STIP1: variants seen among roughly 807,000 people sequenced by gnomAD.
STIP1 encodes stress induced phosphoprotein 1.
In STIP1, 16 loss-of-function variants were observed where a neutral mutation model predicts 77.4. That is an observed-to-expected ratio of 0.21 (90% confidence interval 0.14 to 0.31). The LOEUF is 0.31. Among genes scored for constraint, STIP1 ranks in the 10% least tolerant of loss-of-function variants. The pLI is 1.00. For synonymous variants in STIP1, 258 were observed against 246.6 expected (o/e 1.05, Z -0.44); for missense variants, 524 against 684.8 (o/e 0.77, Z 2.62).
At chr11:64,191,705 G>C (rs969599442) in intron 1 of STIP1, among the ~76,000 whole-genome samples, 8 of 151,862 alleles carry the variant, frequency 5.3e-5, no homozygotes, top group African/African-American at 1.9e-4. Context: ...AGCTCAGTAA[G>C]GAGAAACCCT....
At chr11:64,196,161 C>G (rs1448125583) in intron 5 of STIP1, among the ~76,000 whole-genome samples, 1 of 152,104 alleles carries the variant, frequency 6.6e-6, no homozygotes, top group Non-Finnish European at 1.5e-5. Context: ...TTTTGGAGGC[C>G]AAGGTGGGCA....
chr11:64,190,031 C>T (rs1484773855), intron 1 of STIP1, among the ~76,000 whole-genome samples: 2 of 150,318 alleles, frequency 1.3e-5, no homozygotes, highest in African/African-American at 4.9e-5. Flanking sequence ...AATAGAGTCT[C>T]ACTCTGTCCT....
intron 8 of STIP1, among the ~76,000 whole-genome samples, chr11:64,198,756 T>TTG (rs1387440605): frequency 6.7e-6 from 1 of 150,074 alleles, no homozygotes; most frequent in Non-Finnish European, 1.5e-5. Flanking sequence ...TTTTGTGGTT[T>TTG]TTTTTTTTTT....
intron 8 of STIP1, among the ~76,000 whole-genome samples, chr11:64,199,441 AGCTTGCAGT>A (rs1191574486): frequency 7.0e-6 from 1 of 142,738 alleles, no homozygotes. Flanking sequence ...CGGGAGGCAG[AGCTTGCAGT>A]GAGCCGAGAT....
chr11:64,198,337 C>T (rs764473850), intron 8 of STIP1, among the ~76,000 whole-genome samples: 1 of 152,068 alleles, frequency 6.6e-6, no homozygotes, highest in Non-Finnish European at 1.5e-5. Context: ...CTCAGCCTCC[C>T]GAATTGCTAA....
rs567931390 is a variant in STIP1 at position 64,198,598 on chromosome 11, C to A, written c.1023+624C>A. Reference sequence around the variant, plus strand: ...CTGAACTCAAGTGATCCGCCCTCCTCAGCCTCCCAAAGTGCTGGAATTATA... The same window carrying A: ...CTGAACTCAAGTGATCCGCCCTCCTAAGCCTCCCAAAGTGCTGGAATTATA... On this transcript the variant is annotated intron_variant, in intron 8 of 13. Coordinates refer to ENST00000305218, the MANE Select transcript of STIP1 (RefSeq NM_006819.3). 3.9e-4 allele frequency among the ~76,000 whole-genome samples: 60 copies of A among 152,262 alleles called. 1 individual carries two copies. The South Asian group carries it at 0.012, about 30-fold the overall frequency.
In STIP1 at chr11:64,197,509, G is replaced by C. The variant is rs768691065; in HGVS notation, c.816G>C (p.Lys272Asn). 5 of 1,614,172 alleles carry C rather than the reference G, an allele frequency of 3.1e-6. No homozygotes were observed. Among genetic ancestry groups the C allele is most frequent in the Non-Finnish European group, 4.2e-6 (5 of 1,180,046 alleles). The part of the protein sequence containing the change: ...ITNQAAVYFE[K>N]GDYNKCRELC... ...GCCTGGCAGCGGTATACTTTGAAAA[G>C]GGCGACTACAATAAGTGCCGGGAGC... The change falls in exon 7 of 14, where the codon AAG becomes AAC. Residue 272 changes from lysine (K) to asparagine (N), a missense_variant. Transcript: ENST00000305218.
chr11:64,195,914 A>T, intron 5 of STIP1, 101 bp downstream of exon 5: 5 of 1,536,230 alleles, frequency 3.3e-6, no homozygotes, highest in Non-Finnish European at 8.9e-7. Context: ...CATGATTATT[A>T]TGGTTTTTTT....
Position 64,193,282 on chromosome 11 carries a change from G to A in STIP1, c.214G>A (p.Gly72Ser), listed in dbSNP as rs772121318. ...CKTVDLKPDW[G>S]KGYSRKAAAL... is the part of the protein sequence containing the mutation. ...GACTGTCGACCTAAAGCCTGACTGG[G>A]GCAAGGTCAGCTGTGGGCAGTGGAG... The change falls in exon 2 of 14, where the codon GGC (glycine) becomes AGC (serine). Residue 72 changes from glycine to serine, a missense_variant. Physicochemically the swap from Gly to Ser is moderately conservative, Grantham distance 56 (BLOSUM62 0). Coordinates refer to ENST00000305218, the MANE Select transcript of STIP1 (RefSeq NM_006819.3). 6.2e-7 allele frequency: 1 copy of A among 1,614,200 alleles called. No individual in the cohort carries two copies.
intron 12 of STIP1, 25 bp from the exon 13 acceptor site, chr11:64,203,425 C>T: frequency 3.7e-6 from 6 of 1,613,594 alleles, no homozygotes; most frequent in Non-Finnish European, 5.1e-6. Context: ...TAACACGCTT[C>T]ACCTTTGTCT....
chr11:64,193,106 A>G lies in STIP1; in HGVS notation c.38A>G (p.Lys13Arg), dbSNP rs752375685. The change falls in exon 2 of 14, where the codon AAG becomes AGG. Residue 13 changes from lysine to arginine, a missense_variant. By Grantham distance (26) the Lys-to-Arg change is conservative. Transcript: ENST00000305218. The stretch of plus-strand genomic sequence containing the variant: ...AATGAGCTGAAGGAGAAAGGCAACA[A>G]GGCCCTGAGCGTGGGTAACATCGAT... Reference protein sequence around the residue: ...QVNELKEKGNKALSVGNIDDA... With the variant: ...QVNELKEKGNRALSVGNIDDA... The G allele has an allele frequency of 6.8e-6, 11 of 1,614,092 alleles. No individual in the cohort carries two copies. The highest frequency in any genetic ancestry group is 1.3e-5 in the African/African-American group (1 of 74,920).
At chr11:64,196,024 C>A in intron 5 of STIP1, 2 of 652,926 alleles carry the variant, frequency 3.1e-6, no homozygotes, top group Non-Finnish European at 5.2e-6. Context: ...GCCACTGTGC[C>A]CACCTAAAAC....
intron 1 of STIP1, among the ~76,000 whole-genome samples, chr11:64,190,861 A>T (rs984047449): frequency 1.3e-5 from 2 of 152,134 alleles, no homozygotes; most frequent in East Asian, 3.9e-4. Context: ...TTAGCCAGGC[A>T]TGGTGACACA....
intron 1 of STIP1, among the ~76,000 whole-genome samples, chr11:64,188,397 T>A (rs1331072436): frequency 6.6e-6 from 1 of 151,576 alleles, no homozygotes; most frequent in Non-Finnish European, 1.5e-5. Context: ...TTATTTTGTA[T>A]TTTTTTTAGA....
intron 8 of STIP1, 118 bp downstream of exon 8, chr11:64,198,092 T>C: frequency 7.3e-7 from 1 of 1,375,866 alleles, no homozygotes; most frequent in South Asian, 1.5e-5. Context: ...AGGGTCTCAC[T>C]CTTTCACCCA....
At chr11:64,194,424 A>G in intron 3 of STIP1, 55 bp from the exon 4 acceptor site, 2 of 1,612,234 alleles carry the variant, frequency 1.2e-6, no homozygotes, top group Non-Finnish European at 1.7e-6. Flanking sequence ...GGTATGGGAC[A>G]CAGTAATTCT....
intron 1 of STIP1, among the ~76,000 whole-genome samples, chr11:64,187,814 G>A (rs926506365): frequency 2.0e-5 from 3 of 151,538 alleles, no homozygotes; most frequent in African/African-American, 7.3e-5. Flanking sequence ...ATCCTGGCTA[G>A]CACAGTGAAA....
rs1946143292 is a variant in STIP1, at chr11:64,195,793, C to G, written c.652C>G (p.Leu218Val). 1 of 1,614,030 alleles carries G rather than the reference C, an allele frequency of 6.2e-7. No individual in the cohort carries two copies. Among genetic ancestry groups the G allele is most frequent in the Admixed American group, 1.7e-5 (1 of 59,998 alleles). ...ETKPEPMEED[L>V]PENKKQALKE... ...CAAGCCAGAGCCAATGGAAGAAGAT[C>G]TTCCAGAGAATAAGAAGCAGGTCTT... The change falls in exon 5 of 14, where the codon CTT becomes GTT. Residue 218 changes from leucine to valine, a missense_variant. Leu to Val is a conservative substitution (Grantham distance 32). Coordinates refer to ENST00000305218, the MANE Select transcript of STIP1 (RefSeq NM_006819.3).
intron 5 of STIP1, among the ~76,000 whole-genome samples, chr11:64,196,566 G>A (rs948602255): frequency 4.6e-5 from 7 of 152,064 alleles, no homozygotes; most frequent in Admixed American, 2.0e-4. Context: ...CGTCCTTGTC[G>A]TGATCCGAAG....
Sources: allele counts gnomAD v4.1 joint callset (sites outside exome capture counted in the v4.1 genomes callset), GRCh38; gene constraint gnomAD v4.1.1; transcripts MANE v1.5; gene names NCBI Gene and HGNC (gene_info 2026-07-23, HGNC 2026-07-21).